Variants in PRKCQ observed in about 807,000 individuals in gnomAD.
PRKCQ encodes protein kinase C theta.
PRKCQ carries 41 observed loss-of-function variants against 91.2 expected under a neutral mutation model. The observed-to-expected ratio is 0.45, with a 90% CI of 0.35 to 0.58. The LOEUF (loss-of-function observed/expected upper bound fraction) is 0.58, where lower values mean the gene tolerates loss of function less well. Ranked by LOEUF, PRKCQ falls within the 20% of genes least tolerant of loss-of-function variation. PRKCQ has a pLI of 0.00. For missense variants in PRKCQ, 673 were observed against 896.5 expected (o/e 0.75, Z 3.18); for synonymous variants, 307 against 316.9 (o/e 0.97, Z 0.33).
intron 1 of PRKCQ, among the ~76,000 whole-genome samples, chr10:6,548,644 A>G (rs1564387100): frequency 6.8e-6 from 1 of 147,550 alleles, no homozygotes; most frequent in Non-Finnish European, 1.5e-5. Flanking sequence ...CAAAAAACCA[A>G]ACACTGCATG....
chr10:6,508,779 T>C (rs1311784447), intron 3 of PRKCQ, among the ~76,000 whole-genome samples: 2 of 152,090 alleles, frequency 1.3e-5, no homozygotes, highest in East Asian at 1.9e-4. Flanking sequence ...TTAGTAGTGA[T>C]GGAAGAAATT....
chr10:6,542,680 T>C (rs1224618195), intron 1 of PRKCQ, among the ~76,000 whole-genome samples: 1 of 152,146 alleles, frequency 6.6e-6, no homozygotes, highest in Admixed American at 6.5e-5. Context: ...CCGTGTTAGA[T>C]TCTAGCACCC....
exon 1 of PRKCQ, chr10:6,580,269 CGGGGACTGCGCGGGGACTGG>C (rs1450679364): frequency 3.5e-5 from 2 of 57,474 alleles, no homozygotes; most frequent in Non-Finnish European, 1.2e-4. Flanking sequence ...GGGGACTGCG[CGGGGACTGCGCGGGGACTGG>C]CGGGGCTGGC....
At chr10:6,462,471 C>A in intron 13 of PRKCQ, 106 bp from the exon 14 acceptor site, 1 of 880,040 alleles carries the variant, frequency 1.1e-6, no homozygotes. Context: ...GGCTAAATGG[C>A]ATACACACAT....
intron 12 of PRKCQ, among the ~76,000 whole-genome samples, chr10:6,470,677 G>A (rs370133139): frequency 1.3e-5 from 2 of 152,154 alleles, no homozygotes; most frequent in South Asian, 4.1e-4. Context: ...GAGGCCAAGC[G>A]CGGTGGCTCA....
chr10:6,435,762 C>T (rs990402539), intron 16 of PRKCQ, among the ~76,000 whole-genome samples: 1 of 152,202 alleles, frequency 6.6e-6, no homozygotes, highest in Non-Finnish European at 1.5e-5. Flanking sequence ...TTGTGTTGGG[C>T]TGCATTCAAA....
At chr10:6,510,395 G>A (rs1278744071) in intron 3 of PRKCQ, among the ~76,000 whole-genome samples, 1 of 152,148 alleles carries the variant, frequency 6.6e-6, no homozygotes, top group African/African-American at 2.4e-5. Flanking sequence ...AAAATTGTAG[G>A]AATTGTCAAA....
At chr10:6,400,505 C>A in the PRKCQ span, among the ~76,000 whole-genome samples, 8 of 152,096 alleles carry the variant, frequency 5.3e-5, no homozygotes, top group Non-Finnish European at 1.0e-4. Flanking sequence ...GTGCCCTGAA[C>A]TATATTTCAA....
intron 15 of PRKCQ, among the ~76,000 whole-genome samples, chr10:6,444,543 G>A (rs79277074): frequency 0.018 from 2,783 of 152,018 alleles, 86 homozygotes; most frequent in African/African-American, 0.063. Context: ...GATGAGTTGC[G>A]GGCAAGTTGC....
At chr10:6,554,160 T>C (rs916873200) in intron 1 of PRKCQ, among the ~76,000 whole-genome samples, 1 of 152,146 alleles carries the variant, frequency 6.6e-6, no homozygotes, top group Admixed American at 6.5e-5. Context: ...ATTCTAGGAA[T>C]TGAAACCCAC....
At position 6,576,572 on chromosome 10, in the gene PRKCQ, C is replaced by T. The variant is rs1032247996; in HGVS notation, c.-10+3639G>A. Among the ~76,000 whole-genome samples, 2 of 152,100 alleles carry T rather than the reference C, an allele frequency of 1.3e-5. No homozygotes were observed. Among genetic ancestry groups the T allele is most frequent in the African/African-American group, 2.4e-5 (1 of 41,400 alleles). On this transcript the variant is annotated intron_variant, in intron 1 of 17. Transcript: ENST00000263125. The surrounding 1 kb of genome is among the most constrained non-coding windows in gnomAD (Gnocchi z 4.2). ...AGACGGATGAGGAACGAATGTTCCA[C>T]GAGGACAGAGTTTCAGTTTTAGGAG...
intron 16 of PRKCQ, among the ~76,000 whole-genome samples, chr10:6,440,978 A>C (rs937530606): frequency 6.6e-6 from 1 of 152,160 alleles, no homozygotes; most frequent in African/African-American, 2.4e-5. Context: ...AGGGAGTGAG[A>C]CTGTCTCAAA....
At chr10:6,402,508 C>T in the PRKCQ span, among the ~76,000 whole-genome samples, 6 of 152,250 alleles carry the variant, frequency 3.9e-5, no homozygotes, top group Middle Eastern at 3.4e-3. Context: ...TCTCCCTGCT[C>T]GGGTTGCCTT....
intron 16 of PRKCQ, among the ~76,000 whole-genome samples, chr10:6,436,106 T>C (rs578207604): frequency 6.6e-6 from 1 of 152,266 alleles, no homozygotes; most frequent in Admixed American, 6.5e-5. Context: ...AGAGCGACAC[T>C]CTGTCTTAAA....
chr10:6,486,875 T>A (rs528259387), intron 8 of PRKCQ, among the ~76,000 whole-genome samples: 56 of 152,188 alleles, frequency 3.7e-4, no homozygotes, highest in African/African-American at 1.3e-3. Context: ...TATCAGACGG[T>A]GGAGCCGGAG....
chr10:6,428,139 A>C lies in PRKCQ; in HGVS notation c.*68T>G. 1 of 1,586,384 alleles carries C rather than the reference A, an allele frequency of 6.3e-7. No individual in the cohort carries two copies. The highest frequency in any genetic ancestry group is 1.1e-5 in the South Asian group (1 of 89,206). The stretch of plus-strand genomic sequence containing the variant: ...TTTTTCCAAGTTGAAAAAGGAACCC[A>C]AGCAGTGTCTCTTGAACCAGTTCCC... On this transcript the variant is annotated 3_prime_UTR_variant, in exon 18 of 18. Transcript: ENST00000263125.
the PRKCQ span, among the ~76,000 whole-genome samples, chr10:6,397,063 C>A: frequency 6.6e-6 from 1 of 151,878 alleles, no homozygotes; most frequent in African/African-American, 2.4e-5. Flanking sequence ...GTTTAATGGC[C>A]ATTTGCACAT....
the PRKCQ span, among the ~76,000 whole-genome samples, chr10:6,413,474 TCACACACACA>T: frequency 0.17 from 20,076 of 120,136 alleles, 2,553 homozygotes; most frequent in Non-Finnish European, 0.19. Context: ...AAAAATTATG[TCACACACACA>T]CACACACACA....
At chr10:6,510,847 A>G (rs572339765) in intron 3 of PRKCQ, 148 bp downstream of exon 3, 19 of 776,928 alleles carry the variant, frequency 2.4e-5, no homozygotes, top group Non-Finnish European at 3.6e-5. Flanking sequence ...AACCATCGCC[A>G]TTATCAAATC....
Sources: allele counts gnomAD v4.1 joint callset (sites outside exome capture counted in the v4.1 genomes callset), GRCh38; gene constraint gnomAD v4.1.1; non-coding constraint Gnocchi (gnomAD v3.1); transcripts MANE v1.5; gene names NCBI Gene and HGNC (gene_info 2026-07-23, HGNC 2026-07-21).